Variants in XPO4 observed in about 807,000 individuals in gnomAD.
The protein encoded by XPO4 is exportin 4, also known as exportin-4.
In XPO4, 39 loss-of-function variants were observed where a neutral mutation model predicts 143.0. That is an observed-to-expected ratio of 0.27 (90% CI 0.21 to 0.36). XPO4 has a LOEUF of 0.36. XPO4 is among the 10% of genes least tolerant of loss of function. The pLI is 1.00. For missense variants in XPO4, 907 were observed against 1,348.0 expected, an observed-to-expected ratio of 0.67 and a Z score of 5.12; for synonymous variants, 439 against 474.0, an observed-to-expected ratio of 0.93 and a Z score of 0.96.
intron 4 of XPO4, chr13:20,851,840 A>G (rs1422578521): frequency 1.0e-6 from 1 of 985,330 alleles, no homozygotes; most frequent in Non-Finnish European, 1.2e-6. Flanking sequence ...CACTATGAAG[A>G]GAGCAAAATC....
At chr13:20,799,769 A>C (rs2762996) in intron 15 of XPO4, among the ~76,000 whole-genome samples, 45,701 of 152,102 alleles carry the variant, frequency 0.3, 8,666 homozygotes, top group East Asian at 0.8. Context: ...ATTGTTGTAG[A>C]AAGCACTAAA....
intron 1 of XPO4, among the ~76,000 whole-genome samples, chr13:20,870,131 C>T (rs867201862): frequency 2.3e-4 from 33 of 145,348 alleles, no homozygotes; most frequent in African/African-American, 6.2e-4. Flanking sequence ...TTCTTTAACA[C>T]TTCTTTAAAA....
chr13:20,902,718 C>G lies in XPO4; in HGVS notation c.21G>C (p.Gly7=), dbSNP rs372982570. The change falls in exon 1 of 23, where the codon GGG becomes GGC. Residue 7 remains glycine, a synonymous_variant. Transcript: ENST00000255305. The stretch of plus-strand genomic sequence containing the variant: ...CCAGCTGAGCGATCACTTCTGGGGG[C>G]CCCAGCGCCGCCGCCATCATGGTCT... The part of the protein sequence containing the change: MMAAAL[G]PPEVIAQLEN... 1 of 1,558,364 alleles carries G rather than the reference C, an allele frequency of 6.4e-7. No homozygotes were observed. The highest frequency in any genetic ancestry group is 8.7e-7 in the Non-Finnish European group (1 of 1,151,378).
At chr13:20,902,408 T>C (rs1443603793) in intron 1 of XPO4, 1 of 985,234 alleles carries the variant, frequency 1.0e-6, no homozygotes, top group African/African-American at 1.7e-5. Context: ...GAAGAAATTC[T>C]CTTTGCTACA....
chr13:20,825,140 A>G (rs2059768499), intron 7 of XPO4, among the ~76,000 whole-genome samples: 1 of 152,198 alleles, frequency 6.6e-6, no homozygotes, highest in Non-Finnish European at 1.5e-5. Context: ...GTAGGAAGAA[A>G]ACACAATGAA....
At chr13:20,845,863 C>T (rs766923967) in intron 4 of XPO4, among the ~76,000 whole-genome samples, 45 of 152,000 alleles carry the variant, frequency 3.0e-4, no homozygotes, top group Non-Finnish European at 5.4e-4. Flanking sequence ...ATGATGAATC[C>T]CAAGATCCTA....
At chr13:20,813,957 C>CAAA (rs557631755) in intron 9 of XPO4, among the ~76,000 whole-genome samples, 1 of 89,820 alleles carries the variant, frequency 1.1e-5, no homozygotes, top group African/African-American at 4.6e-5. Context: ...GACGCTGTCT[C>CAAA]AAAAAAAAAA....
chr13:20,823,201 TTCTC>T (rs925848941), intron 7 of XPO4, among the ~76,000 whole-genome samples: 6 of 152,212 alleles, frequency 3.9e-5, no homozygotes, highest in East Asian at 1.9e-4. Context: ...CCACACAAAG[TTCTC>T]TCTCTATTTT....
intron 1 of XPO4, among the ~76,000 whole-genome samples, chr13:20,895,447 C>T (rs565215528): frequency 3.9e-5 from 6 of 152,084 alleles, no homozygotes; most frequent in Middle Eastern, 3.4e-3. Context: ...GCCTGGCCAA[C>T]AAGGTGAAAC....
intron 22 of XPO4, among the ~76,000 whole-genome samples, chr13:20,786,406 C>T (rs1167844292): frequency 6.6e-6 from 1 of 151,566 alleles, no homozygotes; most frequent in Non-Finnish European, 1.5e-5. Flanking sequence ...CTGTTCAATA[C>T]GGTCCTTTTC....
At chr13:20,869,560 G>A in intron 1 of XPO4, 1 of 879,362 alleles carries the variant, frequency 1.1e-6, no homozygotes, top group Non-Finnish European at 1.4e-6. Context: ...AAATAATCTA[G>A]ATGATGAAAA....
intron 1 of XPO4, among the ~76,000 whole-genome samples, chr13:20,878,849 AATTTAT>A (rs1438183864): frequency 6.6e-6 from 1 of 152,192 alleles, no homozygotes; most frequent in Middle Eastern, 3.2e-3. Context: ...ATATGAATGT[AATTTAT>A]ATTACTGTAT....
chr13:20,798,059 G>A (rs866118517), intron 16 of XPO4, among the ~76,000 whole-genome samples: 2 of 152,044 alleles, frequency 1.3e-5, no homozygotes, highest in Admixed American at 6.6e-5. Flanking sequence ...CAGGAGAGTC[G>A]CTTGACCCAG....
intron 9 of XPO4, among the ~76,000 whole-genome samples, chr13:20,819,022 C>T (rs550148021): frequency 1.5e-3 from 226 of 152,218 alleles, no homozygotes; most frequent in Non-Finnish European, 2.1e-3. Context: ...GGGGTTTTGC[C>T]ATGTTTGGCA....
Position 20,814,562 on chromosome 13 carries a change from C to T in XPO4, c.1174-4595G>A, listed in dbSNP as rs1444538191. ...GCAACTAAATCTTTCAGTCTAATCA[C>T]AGAAAACTGAAACCTAACCTAGCGC... On this transcript the variant is annotated intron_variant, in intron 9 of 22. Transcript: ENST00000255305. Among the ~76,000 whole-genome samples, 4 of 152,250 alleles carry T rather than the reference C, an allele frequency of 2.6e-5. No homozygotes were observed. The East Asian group carries it at 7.7e-4, about 29-fold the overall frequency.
chr13:20,819,043 G>C (rs543679933), intron 9 of XPO4, among the ~76,000 whole-genome samples: 1 of 152,034 alleles, frequency 6.6e-6, no homozygotes, highest in African/African-American at 2.4e-5. Flanking sequence ...GGCTGGTCTC[G>C]AACTCCTGAC....
chr13:20,786,298 C>CGTGT (rs761241079), intron 22 of XPO4, among the ~76,000 whole-genome samples: 1 of 73,276 alleles, frequency 1.4e-5, no homozygotes, highest in African/African-American at 3.9e-5. Context: ...TATATATATA[C>CGTGT]GTGTGTGTGT....
intron 1 of XPO4, among the ~76,000 whole-genome samples, chr13:20,881,629 G>A (rs1005316967): frequency 6.6e-6 from 1 of 152,016 alleles, no homozygotes; most frequent in African/African-American, 2.4e-5. Flanking sequence ...TATAATAAAA[G>A]AAATATAAAT....
At chr13:20,886,965 C>G (rs950454699) in intron 1 of XPO4, among the ~76,000 whole-genome samples, 2 of 151,834 alleles carry the variant, frequency 1.3e-5, no homozygotes, top group Non-Finnish European at 2.9e-5. Context: ...CCTAGCTACT[C>G]GTGAGGCTGA....
Sources: gnomAD v4.1 joint callset for allele counts (sites outside exome capture counted in the v4.1 genomes callset) on GRCh38, gnomAD v4.1.1 for gene constraint, MANE v1.5 for transcripts, NCBI Gene and HGNC (gene_info 2026-07-23, HGNC 2026-07-21) for gene names.